The following SLC5A10 variants were observed in gnomAD, a reference collection of about 807,000 sequenced individuals.
SLC5A10 encodes the protein sodium/mannose cotransporter SLC5A10.
Under a neutral mutation model 68.9 loss-of-function variants are expected in SLC5A10, and 55 were observed. The observed-to-expected ratio is 0.80, with a 90% CI of 0.64 to 1.00. The LOEUF (loss-of-function observed/expected upper bound fraction) is 1.00. Ranked by LOEUF, SLC5A10 falls within the 50% of genes least tolerant of loss-of-function variation. SLC5A10 has a pLI of 0.00. For missense variants in SLC5A10, 732 were observed against 819.3 expected, an observed-to-expected ratio of 0.89 and a Z score of 1.30; for synonymous variants, 344 against 344.8, an observed-to-expected ratio of 1.00 and a Z score of 0.02.
intron 9 of SLC5A10, among the ~76,000 whole-genome samples, chr17:19,012,996 G>A (rs1231340580): frequency 6.6e-6 from 1 of 151,908 alleles, no homozygotes; most frequent in Non-Finnish European, 1.5e-5. Flanking sequence ...CAAAGCCCAG[G>A]GAACAGGTTG....
At chr17:18,976,574 G>A in intron 8 of SLC5A10, 1 of 415,102 alleles carries the variant, frequency 2.4e-6, no homozygotes, top group East Asian at 4.1e-5. Context: ...TGCCAGGGGT[G>A]GTGGGCTGGG....
chr17:18,974,461 G>A (rs1009497854), intron 8 of SLC5A10, among the ~76,000 whole-genome samples: 1 of 152,264 alleles, frequency 6.6e-6, no homozygotes, highest in Non-Finnish European at 1.5e-5. Context: ...CTGGGCCTTG[G>A]TGTCCCTGTC....
At chr17:18,969,005 G>A (rs1163333758) in intron 5 of SLC5A10, 47 bp from the exon 6 acceptor site, 1 of 1,561,890 alleles carries the variant, frequency 6.4e-7, no homozygotes, top group Admixed American at 1.8e-5. Flanking sequence ...GTGGCTTGCT[G>A]GAGCCCTGGG....
At chr17:19,002,053 C>G (rs1265615807) in intron 9 of SLC5A10, among the ~76,000 whole-genome samples, 2 of 152,208 alleles carry the variant, frequency 1.3e-5, no homozygotes, top group African/African-American at 2.4e-5. Flanking sequence ...AGCACTTCCT[C>G]CACACCACAG....
chr17:19,012,471 C>A (rs2044035175), intron 9 of SLC5A10, among the ~76,000 whole-genome samples: 2 of 152,262 alleles, frequency 1.3e-5, no homozygotes. Flanking sequence ...TCTCAGGACT[C>A]ACCTGCCACA....
Position 19,003,583 on chromosome 17 carries a change from G to T in SLC5A10, c.983-9827G>T. The T allele has an allele frequency of 6.2e-7, 1 of 1,600,442 alleles. No individual in the cohort carries two copies. Among genetic ancestry groups the T allele is most frequent in the Non-Finnish European group, 8.5e-7 (1 of 1,173,346 alleles). On this transcript the variant is annotated intron_variant, in intron 9 of 14. Transcript: ENST00000395645. The surrounding 1 kb of genome is among the most constrained non-coding windows in gnomAD (Gnocchi z 4.5). ...TGATGTGGGCCTGCCCGTCTATGGG[G>T]GGCTGCATGTAGACGCTAGCCCGGG...
In SLC5A10 at chr17:18,967,077, C is replaced by T. The variant is rs904597230; in HGVS notation, c.454-1975C>T. ...GGCATCTGTCAGGCTGAAGCTGCCC[C>T]GGCCCACAGAGGAGTGCTCGGGCTG... On this transcript the variant is annotated intron_variant, in intron 5 of 14. Coordinates refer to ENST00000395645, the MANE Select transcript of SLC5A10 (RefSeq NM_001042450.4). 1.1e-4 allele frequency among the ~76,000 whole-genome samples: 17 copies of T among 152,148 alleles called. 1 individual carries two copies. The South Asian group carries it at 2.7e-3, about 24-fold the overall frequency.
At chr17:18,977,983 G>C (rs1186530026) in intron 9 of SLC5A10, 3 of 1,578,756 alleles carry the variant, frequency 1.9e-6, no homozygotes, top group Admixed American at 1.8e-5. Flanking sequence ...GGTCATCCTG[G>C]GTCACAGATA....
Position 18,953,711 on chromosome 17 carries a change from A to G in SLC5A10, c.111+1395A>G, listed in dbSNP as rs2042425331. ...CGCAGTCATTAAAATTAATTATCAC[A>G]GGTTGGATTTCAAAAATCTGAAACC... On this transcript the variant is annotated intron_variant, in intron 1 of 14. Coordinates refer to ENST00000395645, the MANE Select transcript of SLC5A10 (RefSeq NM_001042450.4). 2.0e-5 allele frequency: 3 copies of G among 152,554 alleles called. No individual in the cohort carries two copies. The South Asian group carries it at 6.2e-4, about 32-fold the overall frequency. The allele number at this position is 152,554 out of a possible 1,614,324, so 9.5% of individuals were successfully genotyped here. A position where few individuals can be genotyped will look rare whatever the true frequency, so the allele number is the denominator to read the frequency against.
chr17:18,972,152 G>A (rs1435873187), intron 8 of SLC5A10, among the ~76,000 whole-genome samples: 2 of 152,198 alleles, frequency 1.3e-5, no homozygotes, highest in African/African-American at 4.8e-5. Context: ...CAGATGAGCT[G>A]CTTCCTGTCT....
chr17:18,961,293 C>T (rs1400510061), intron 5 of SLC5A10, among the ~76,000 whole-genome samples: 2 of 152,244 alleles, frequency 1.3e-5, no homozygotes, highest in Non-Finnish European at 2.9e-5. Flanking sequence ...TCTGCTCTCA[C>T]TCCAAGTCCC....
upstream of SLC5A10, chr17:18,950,746 C>G (rs2042357284): frequency 2.1e-6 from 2 of 963,692 alleles, no homozygotes; most frequent in Non-Finnish European, 2.5e-6. Flanking sequence ...GATGGAGTCT[C>G]CCTCTGTTGC....
chr17:18,969,313 C>T (rs759299476), intron 6 of SLC5A10, 29 bp from the exon 7 acceptor site: 41 of 1,609,900 alleles, frequency 2.5e-5, no homozygotes, highest in African/African-American at 4.0e-5. Flanking sequence ...GGCCAGGGCC[C>T]CCTCCAGCAA....
chr17:18,977,736 G>T, intron 9 of SLC5A10: 1 of 1,607,888 alleles, frequency 6.2e-7, no homozygotes. Context: ...CGGCGCGGTG[G>T]TGGGGTTGGC....
chr17:19,019,917 C>T lies in SLC5A10; in HGVS notation c.1615C>T (p.Gln539Ter). 6.2e-7 allele frequency: 1 copy of T among 1,606,128 alleles called. No homozygotes were observed. Among genetic ancestry groups the T allele is most frequent in the Non-Finnish European group, 8.5e-7 (1 of 1,177,240 alleles). Residue 539 changes from glutamine (Q) to a stop codon, truncating the protein, a stop_gained, in exon 13 of 15, where the codon CAG (glutamine) becomes TAG (stop). Coordinates refer to ENST00000395645, the MANE Select transcript of SLC5A10 (RefSeq NM_001042450.4). LOFTEE classifies it high-confidence loss of function. ...TGGAAGCCTGCTGACCCCACCCCCA[C>T]AGAGTGTCCAGGTGAGCCAGCCCTG... Reference protein sequence around the residue: ...VAGSLLTPPPQSVQIENLTWW... With the variant: ...VAGSLLTPPP
intron 1 of SLC5A10, among the ~76,000 whole-genome samples, chr17:18,955,593 G>T (rs1200054718): frequency 6.6e-6 from 1 of 152,264 alleles, no homozygotes; most frequent in Non-Finnish European, 1.5e-5. Flanking sequence ...TTAGGAAAAA[G>T]CATGGGCTGT....
At chr17:19,019,263 C>A in intron 11 of SLC5A10, 160 bp from the exon 12 acceptor site, 1 of 832,076 alleles carries the variant, frequency 1.2e-6, no homozygotes, top group South Asian at 1.8e-5. Context: ...CAGGGCAGGA[C>A]TGGCCAGGTC....
At chr17:18,987,078 G>C (rs566369188) in intron 9 of SLC5A10, among the ~76,000 whole-genome samples, 95 of 152,306 alleles carry the variant, frequency 6.2e-4, no homozygotes, top group Non-Finnish European at 7.9e-4. Context: ...GGGGTTGGAG[G>C]GGGTGGGCGC....
At chr17:18,978,391 G>A (rs1485989905) in intron 9 of SLC5A10, 2 of 1,590,906 alleles carry the variant, frequency 1.3e-6, no homozygotes, top group Admixed American at 3.6e-5. Flanking sequence ...TGTAGCCCAG[G>A]ATGTCGCTGC....
Sources: allele counts gnomAD v4.1 joint callset (sites outside exome capture counted in the v4.1 genomes callset), GRCh38; gene constraint gnomAD v4.1.1; non-coding constraint Gnocchi (gnomAD v3.1); transcripts MANE v1.5; gene names NCBI Gene and HGNC (gene_info 2026-07-23, HGNC 2026-07-21).